XKR4: variants seen among roughly 807,000 people sequenced by gnomAD.
XKR4 encodes XK-related protein 4.
In XKR4, 12 loss-of-function variants were observed where a neutral mutation model predicts 53.9. The ratio of observed to expected loss-of-function variants is 0.22; its 90% CI spans 0.14 to 0.36. XKR4 has a LOEUF of 0.36. Among genes scored for constraint, XKR4 ranks in the 10% least tolerant of loss-of-function variants. The pLI is 1.00. For missense variants in XKR4, 799 were observed against 859.5 expected, an observed-to-expected ratio of 0.93 and a Z score of 0.88; for synonymous variants, 354 against 362.4, an observed-to-expected ratio of 0.98 and a Z score of 0.26.
At chr8:55,330,790 T>C (rs1300603946) in intron 1 of XKR4, among the ~76,000 whole-genome samples, 1 of 152,018 alleles carries the variant, frequency 6.6e-6, no homozygotes, top group African/African-American at 2.4e-5. Flanking sequence ...ACTTCTTCCC[T>C]CAGAAACTCA....
chr8:55,243,906 C>A (rs1167823381), intron 1 of XKR4, among the ~76,000 whole-genome samples: 1 of 152,218 alleles, frequency 6.6e-6, no homozygotes, highest in Non-Finnish European at 1.5e-5. Flanking sequence ...GCATTCACAG[C>A]ACCTGCCGCA....
At chr8:55,237,347 A>C (rs1361434590) in intron 1 of XKR4, among the ~76,000 whole-genome samples, 7 of 152,246 alleles carry the variant, frequency 4.6e-5, no homozygotes, top group Non-Finnish European at 7.3e-5. Context: ...TAAACAGTGG[A>C]TTAACATATA....
chr8:55,419,351 C>T (rs1477589953), intron 2 of XKR4, among the ~76,000 whole-genome samples: 1 of 152,196 alleles, frequency 6.6e-6, no homozygotes, highest in East Asian at 1.9e-4. Context: ...CACCATTGCA[C>T]TCCAGCCTGG....
intron 2 of XKR4, among the ~76,000 whole-genome samples, chr8:55,377,056 C>T (rs914278623): frequency 2.6e-5 from 4 of 151,942 alleles, no homozygotes; most frequent in Non-Finnish European, 4.4e-5. Flanking sequence ...ACAATATTTG[C>T]GAGTTATAAT....
intron 2 of XKR4, among the ~76,000 whole-genome samples, chr8:55,427,901 G>T (rs1365194612): frequency 6.6e-6 from 1 of 152,188 alleles, no homozygotes; most frequent in Non-Finnish European, 1.5e-5. Context: ...ACCCTAATCT[G>T]CAGATGAGCT....
intron 2 of XKR4, among the ~76,000 whole-genome samples, chr8:55,442,180 T>A (rs1474747247): frequency 6.6e-6 from 1 of 152,168 alleles, no homozygotes; most frequent in Non-Finnish European, 1.5e-5. Context: ...GAAGAAAAGA[T>A]ATTACTAATA....
chr8:55,381,291 C>A (rs1338660764), intron 2 of XKR4, among the ~76,000 whole-genome samples: 9 of 152,102 alleles, frequency 5.9e-5, no homozygotes, highest in Non-Finnish European at 1.3e-4. Flanking sequence ...AAACTTTTAT[C>A]TTTGTTGCCA....
At chr8:55,185,077 A>T (rs1441695635) in intron 1 of XKR4, among the ~76,000 whole-genome samples, 1 of 152,240 alleles carries the variant, frequency 6.6e-6, no homozygotes, top group Non-Finnish European at 1.5e-5. Context: ...TAGTTTCTGC[A>T]CATAAACTGA....
chr8:55,286,701 G>A (rs1818912169), intron 1 of XKR4, among the ~76,000 whole-genome samples: 1 of 152,228 alleles, frequency 6.6e-6, no homozygotes, highest in Non-Finnish European at 1.5e-5. Context: ...TGACAGCAGG[G>A]AGGCTGTGCC....
intron 1 of XKR4, among the ~76,000 whole-genome samples, chr8:55,312,186 G>T (rs1178828520): frequency 6.8e-6 from 1 of 147,102 alleles, no homozygotes. Flanking sequence ...CTCTGACTCT[G>T]TTTTTTTTTT....
intron 2 of XKR4, among the ~76,000 whole-genome samples, chr8:55,398,839 G>T (rs139970732): frequency 6.6e-6 from 1 of 152,182 alleles, no homozygotes; most frequent in Non-Finnish European, 1.5e-5. Context: ...CAATGTGACC[G>T]TTTCCCTGGA....
intron 1 of XKR4, among the ~76,000 whole-genome samples, chr8:55,267,763 T>TC (rs1818631578): frequency 6.6e-6 from 1 of 152,140 alleles, no homozygotes; most frequent in African/African-American, 2.4e-5. Context: ...TGATAGAAGA[T>TC]CCTCTGATTA....
chr8:55,114,228 A>G (rs188203101), intron 1 of XKR4, among the ~76,000 whole-genome samples: 2,062 of 152,238 alleles, frequency 0.014, 46 homozygotes, highest in African/African-American at 0.047. Context: ...CTGCAACCTC[A>G]CAGGCGTCTG....
At chr8:55,355,124 G>A (rs1803779671) in intron 1 of XKR4, among the ~76,000 whole-genome samples, 1 of 151,854 alleles carries the variant, frequency 6.6e-6, no homozygotes, top group African/African-American at 2.4e-5. Flanking sequence ...GGCTGGTCTT[G>A]AACTCCTGAC....
intron 1 of XKR4, among the ~76,000 whole-genome samples, chr8:55,266,289 C>T (rs1818599750): frequency 6.6e-6 from 1 of 151,802 alleles, no homozygotes; most frequent in African/African-American, 2.4e-5. Context: ...TATGGAGCAA[C>T]CCCTGTGTTT....
At chr8:55,336,213 G>A (rs1479712012) in intron 1 of XKR4, among the ~76,000 whole-genome samples, 1 of 151,970 alleles carries the variant, frequency 6.6e-6, no homozygotes, top group Non-Finnish European at 1.5e-5. Context: ...GTCTTTTCTG[G>A]GCTATTCTTG....
At chr8:55,512,786 T>C (rs1437840711) in intron 2 of XKR4, among the ~76,000 whole-genome samples, 3 of 152,072 alleles carry the variant, frequency 2.0e-5, no homozygotes, top group Non-Finnish European at 4.4e-5. Context: ...CACCCCTCCA[T>C]GGATGGGCAC....
At chr8:55,341,169 G>A (rs1185717089) in intron 1 of XKR4, among the ~76,000 whole-genome samples, 2 of 152,154 alleles carry the variant, frequency 1.3e-5, no homozygotes, top group Admixed American at 6.5e-5. Flanking sequence ...ACTAGTCAGA[G>A]AATAGGGAAG....
Position 55,375,503 on chromosome 8 carries a change from C to T in XKR4, c.1006+17626C>T, listed in dbSNP as rs574251886. Among the ~76,000 whole-genome samples the T allele has an allele frequency of 1.2e-3, 178 of 152,246 alleles. 1 individual carries two copies. Among genetic ancestry groups the T allele is most frequent in the Non-Finnish European group, 1.5e-3 (101 of 68,022 alleles). ...CCAAGGTCTTGGTCTGGGCTGAGCT[C>T]CTTGCCCTCTAGAGCCAGAGCTGAC... On this transcript the variant is annotated intron_variant, in intron 2 of 2. Transcript: ENST00000327381.
Sources: allele counts gnomAD v4.1 joint callset (sites outside exome capture counted in the v4.1 genomes callset), GRCh38; gene constraint gnomAD v4.1.1; transcripts MANE v1.5; gene names NCBI Gene and HGNC (gene_info 2026-07-23, HGNC 2026-07-21).